ZNF385D: variants seen among roughly 807,000 people sequenced by gnomAD.
ZNF385D encodes the protein zinc finger protein 659.
Under a neutral mutation model 35.8 loss-of-function variants are expected in ZNF385D, and 15 were observed. The observed-to-expected ratio is 0.42, with a 90% confidence interval of 0.28 to 0.64. The LOEUF (loss-of-function observed/expected upper bound fraction) is 0.64, where lower values mean the gene tolerates loss of function less well. Ranked by LOEUF, ZNF385D falls within the 30% of genes least tolerant of loss-of-function variation. The pLI, the probability that ZNF385D is intolerant of heterozygous loss-of-function variation, is 0.23. For synonymous variants in ZNF385D, 212 were observed against 186.8 expected (o/e 1.13, Z -1.10); for missense variants, 474 against 494.6 (o/e 0.96, Z 0.39).
At chr3:22,108,138 T>C (rs1178464165) in intron 3 of ZNF385D, among the ~76,000 whole-genome samples, 1 of 152,074 alleles carries the variant, frequency 6.6e-6, no homozygotes, top group Non-Finnish European at 1.5e-5. Flanking sequence ...GGCATTCTGT[T>C]ACAGCAGCAT....
intron 3 of ZNF385D, among the ~76,000 whole-genome samples, chr3:22,057,411 T>G (rs529077962): frequency 6.6e-6 from 1 of 152,256 alleles, no homozygotes; most frequent in East Asian, 1.9e-4. Flanking sequence ...AGTAGGAAAA[T>G]TGGTATTATG....
chr3:21,685,254 G>C (rs745585858), intron 1 of ZNF385D, among the ~76,000 whole-genome samples: 1 of 152,166 alleles, frequency 6.6e-6, no homozygotes, highest in South Asian at 2.1e-4. Context: ...TGCAAGAGGA[G>C]TGTCTCTGAA....
At position 22,258,506 on chromosome 3, in the gene ZNF385D, T is replaced by C. The variant is rs749548957; in HGVS notation, c.107-89471A>G. Among the ~76,000 whole-genome samples the C allele has an allele frequency of 8.0e-4, 122 of 151,746 alleles. 1 individual carries two copies. The highest frequency in any genetic ancestry group is 6.9e-4 in the Non-Finnish European group (47 of 67,808). ...GGTTTTAGAACCAAATCATCATTCT[T>C]TTTTAAAGAATGACTAAAAAAAGGC... On this transcript the variant is annotated intron_variant, in intron 2 of 5. Coordinates refer to the ZNF385D transcript ENST00000494108.
At chr3:22,088,714 A>G (rs1340172962) in intron 3 of ZNF385D, among the ~76,000 whole-genome samples, 7 of 152,152 alleles carry the variant, frequency 4.6e-5, no homozygotes, top group African/African-American at 7.2e-5. Flanking sequence ...TACAAACAAC[A>G]ACAAACTAAC....
chr3:21,882,190 G>T (rs1193069949), intron 3 of ZNF385D, among the ~76,000 whole-genome samples: 1 of 151,986 alleles, frequency 6.6e-6, no homozygotes, highest in East Asian at 1.9e-4. Flanking sequence ...CTATCAAACA[G>T]CATTGCATGC....
intron 3 of ZNF385D, among the ~76,000 whole-genome samples, chr3:22,017,282 C>T (rs990292709): frequency 6.6e-5 from 10 of 151,986 alleles, no homozygotes; most frequent in Non-Finnish European, 1.3e-4. Flanking sequence ...GTGAATTTTT[C>T]ATATAAAATA....
intron 3 of ZNF385D, among the ~76,000 whole-genome samples, chr3:22,047,482 C>T (rs181180316): frequency 6.6e-6 from 1 of 152,120 alleles, no homozygotes; most frequent in East Asian, 1.9e-4. Context: ...TCAACATGTA[C>T]GTAAGATCAT....
chr3:22,076,401 A>AT (rs747271856), intron 3 of ZNF385D, among the ~76,000 whole-genome samples: 6 of 151,734 alleles, frequency 4.0e-5, no homozygotes, highest in Non-Finnish European at 7.4e-5. Context: ...TAGCTGGCTT[A>AT]TTTTTTAATG....
chr3:21,884,399 T>C (rs1027756260), intron 3 of ZNF385D, among the ~76,000 whole-genome samples: 7 of 152,008 alleles, frequency 4.6e-5, no homozygotes, highest in African/African-American at 1.7e-4. Context: ...TCTAACTTTC[T>C]ATCCAATATT....
intron 7 of ZNF385D, among the ~76,000 whole-genome samples, chr3:21,422,138 CAT>C (rs1351445713): frequency 6.6e-6 from 1 of 152,070 alleles, no homozygotes; most frequent in Non-Finnish European, 1.5e-5. Context: ...GAGTCAGTAA[CAT>C]AGTGATGGTG....
At chr3:22,288,631 T>C (rs1559500635) in intron 2 of ZNF385D, among the ~76,000 whole-genome samples, 2 of 152,150 alleles carry the variant, frequency 1.3e-5, no homozygotes, top group Non-Finnish European at 2.9e-5. Context: ...AGTTTGTTGA[T>C]ATTTTGCTCC....
intron 1 of ZNF385D, among the ~76,000 whole-genome samples, chr3:21,676,783 G>T (rs908175837): frequency 4.7e-5 from 5 of 105,680 alleles, no homozygotes; most frequent in Non-Finnish European, 1.0e-4. Context: ...TGATTTCAAA[G>T]CCCATATGTA....
intron 2 of ZNF385D, among the ~76,000 whole-genome samples, chr3:22,186,825 G>A (rs1024591349): frequency 1.3e-5 from 2 of 152,090 alleles, no homozygotes; most frequent in East Asian, 3.9e-4. Context: ...TAATCAACTG[G>A]TATTTTATGA....
At chr3:21,999,738 G>C (rs368090955) in intron 3 of ZNF385D, among the ~76,000 whole-genome samples, 6 of 145,234 alleles carry the variant, frequency 4.1e-5, no homozygotes, top group African/African-American at 1.5e-4. Context: ...TTCTAAACTT[G>C]AAAGTAGTTC....
At chr3:21,792,487 G>C (rs2071970522) in intron 3 of ZNF385D, among the ~76,000 whole-genome samples, 1 of 152,200 alleles carries the variant, frequency 6.6e-6, no homozygotes, top group African/African-American at 2.4e-5. Context: ...GCACAGTTGA[G>C]TATTCCGCTG....
At chr3:21,990,962 C>G (rs17010562) in intron 3 of ZNF385D, among the ~76,000 whole-genome samples, 16,653 of 152,180 alleles carry the variant, frequency 0.11, 1,227 homozygotes, top group South Asian at 0.26. Flanking sequence ...AATGGCAATA[C>G]CAACAGTGCA....
chr3:22,115,015 C>T (rs1191073554), intron 3 of ZNF385D, among the ~76,000 whole-genome samples: 3 of 152,072 alleles, frequency 2.0e-5, no homozygotes, highest in Non-Finnish European at 4.4e-5. Context: ...TCAATCTCTT[C>T]TCTTTTCTGT....
At chr3:22,274,695 G>A (rs886119532) in intron 2 of ZNF385D, among the ~76,000 whole-genome samples, 1 of 151,094 alleles carries the variant, frequency 6.6e-6, no homozygotes, top group South Asian at 2.1e-4. Flanking sequence ...AAATAGGTTT[G>A]AATGAAACTC....
At chr3:21,957,024 C>A (rs1486333) in intron 3 of ZNF385D, 103,139 of 151,826 alleles carry the variant, frequency 0.68, 36,247 homozygotes, top group Non-Finnish European at 0.77. Flanking sequence ...ATCATGGGGA[C>A]CAGTCTTTCT....
Sources: gnomAD v4.1 joint callset for allele counts (sites outside exome capture counted in the v4.1 genomes callset) on GRCh38, gnomAD v4.1.1 for gene constraint, MANE v1.5 for transcripts, NCBI Gene and HGNC (gene_info 2026-07-23, HGNC 2026-07-21) for gene names.